The following BTD variants were observed in gnomAD, a reference collection of about 807,000 sequenced individuals.
The protein encoded by BTD is biotinidase.
A neutral mutation model predicts 17.7 loss-of-function variants in BTD; 13 were observed. The observed-to-expected ratio is 0.74, with a 90% confidence interval of 0.48 to 1.17. BTD has a LOEUF of 1.17. BTD is among the 50% of genes most tolerant of loss of function. BTD has a pLI of 0.00. For missense variants in BTD, 674 were observed against 650.4 expected, an observed-to-expected ratio of 1.04 and a Z score of -0.39; for synonymous variants, 240 against 245.2, an observed-to-expected ratio of 0.98 and a Z score of 0.20.
At chr3:15,612,957 T>C (rs1410078797) in intron 1 of BTD, among the ~76,000 whole-genome samples, 2 of 152,226 alleles carry the variant, frequency 1.3e-5, no homozygotes, top group African/African-American at 2.4e-5. Flanking sequence ...GTTGTAGTAT[T>C]CATGGTGGCT....
rs202235946 is a variant in BTD, at chr3:15,692,005, TG to T, written c.400-18053del. ...AAACAAATAAATAAGCTGGACCTGG[TG>T]GCACATGCCTGTGGTCCCAGCTATG... is the stretch of plus-strand genomic sequence containing the variant. On this transcript the variant is annotated intron_variant, in intron 3 of 3. Coordinates refer to the BTD transcript ENST00000672141. Among the ~76,000 whole-genome samples the T allele has an allele frequency of 7.4e-3, 1,122 of 152,158 alleles. 10 individuals are homozygous for T. Among genetic ancestry groups the T allele is most frequent in the African/African-American group, 0.025 (1,024 of 41,504 alleles).
At chr3:15,722,499 C>T (rs1004615680), downstream of BTD, among the ~76,000 whole-genome samples, 4 of 152,126 alleles carry the variant, frequency 2.6e-5, no homozygotes, top group African/African-American at 7.2e-5. Flanking sequence ...TGTAATAAAC[C>T]ACAACCATGA....
chr3:15,697,841 G>C (rs943164138), intron 3 of BTD, among the ~76,000 whole-genome samples: 5 of 152,132 alleles, frequency 3.3e-5, no homozygotes, highest in African/African-American at 1.2e-4. Context: ...GTAGAATTCG[G>C]CTGTGAATCC....
chr3:15,608,661 G>C (rs1052019395), intron 1 of BTD, among the ~76,000 whole-genome samples: 1 of 151,968 alleles, frequency 6.6e-6, no homozygotes, highest in Non-Finnish European at 1.5e-5. Context: ...AGCTACCGGG[G>C]AGGCTGAGGC....
rs746583059 is a variant in BTD at position 15,708,087 on chromosome 3, A to C, written c.400-1973A>C. The stretch of plus-strand genomic sequence containing the variant: ...GATCTTTTGGGTCCAAGTTAATACA[A>C]GAAAGATAAAAGCCAGAGACATAAC... On this transcript the variant is annotated intron_variant, in intron 3 of 3. Transcript: ENST00000672141. 7.6e-6 allele frequency: 12 copies of C among 1,581,794 alleles called. No homozygotes were observed. The East Asian group carries it at 2.7e-4, about 36-fold the overall frequency.
At chr3:15,629,988 A>G in intron 1 of BTD, 1 of 959,340 alleles carries the variant, frequency 1.0e-6, no homozygotes, top group Non-Finnish European at 1.2e-6. Flanking sequence ...TTGATTGTAG[A>G]TCCCTTAATT....
At chr3:15,690,068 T>G (rs769253725) in intron 3 of BTD, 1 of 1,612,338 alleles carries the variant, frequency 6.2e-7, no homozygotes, top group South Asian at 1.1e-5. Flanking sequence ...TTACTAAGAT[T>G]GAGGCTCCCT....
rs1341551055 is a variant in BTD at position 15,694,816 on chromosome 3, G to A, written c.400-15244G>A. The A allele has an allele frequency of 5.0e-6, 8 of 1,612,692 alleles. No homozygotes were observed. The highest frequency in any genetic ancestry group is 1.3e-5 in the African/African-American group (1 of 74,866). On this transcript the variant is annotated intron_variant, in intron 3 of 3. Transcript: ENST00000672141. ...TCTGTTCCTGAGGTTTCCATTAACTGAAAAAGAAGAGGCATTTTAAATGTC... is the reference window on the plus strand; with the variant it reads ...TCTGTTCCTGAGGTTTCCATTAACTAAAAAAGAAGAGGCATTTTAAATGTC...
At chr3:15,630,996 G>T (rs887725567) in intron 1 of BTD, among the ~76,000 whole-genome samples, 16 of 152,174 alleles carry the variant, frequency 1.1e-4, no homozygotes, top group African/African-American at 3.6e-4. Context: ...GGAAATAAAA[G>T]ATCATTTTTG....
chr3:15,706,032 A>C (rs1436810948), intron 3 of BTD, among the ~76,000 whole-genome samples: 1 of 132,386 alleles, frequency 7.6e-6, no homozygotes, highest in African/African-American at 2.9e-5. Flanking sequence ...CAACAAAAAA[A>C]CCCACAAAAA....
rs2455853 is a variant in BTD at position 15,648,518 on chromosome 3, G to A, written c.*3030G>A. Reference sequence around the variant, plus strand: ...CATAAAACAAGCATGGACATTGTTAGTTCACCCAGTTCTGTGGGGCAGGAA... The same window carrying A: ...CATAAAACAAGCATGGACATTGTTAATTCACCCAGTTCTGTGGGGCAGGAA... On this transcript the variant is annotated 3_prime_UTR_variant, in exon 4 of 4. Coordinates refer to ENST00000643237, the MANE Select transcript of BTD (RefSeq NM_001370658.1). Among the ~76,000 whole-genome samples the A allele has an allele frequency of 0.73, 111,506 of 152,104 alleles. 41,023 individuals carry two copies. The highest frequency in any genetic ancestry group is 0.79 in the Admixed American group (12,023 of 15,296).
At chr3:15,718,767 C>G (rs2073367701) in intron 4 of BTD, among the ~76,000 whole-genome samples, 1 of 152,208 alleles carries the variant, frequency 6.6e-6, no homozygotes, top group African/African-American at 2.4e-5. Context: ...TATCCACATT[C>G]ACTATCGTAA....
At chr3:15,637,068 A>G (rs2065368998) in intron 2 of BTD, among the ~76,000 whole-genome samples, 1 of 152,088 alleles carries the variant, frequency 6.6e-6, no homozygotes. Flanking sequence ...GTCAGAGCTA[A>G]AGGGAGCAGG....
exon 4 of BTD, among the ~76,000 whole-genome samples, chr3:15,712,391 C>T (rs1214271677): frequency 6.6e-6 from 1 of 152,114 alleles, no homozygotes; most frequent in East Asian, 1.9e-4. Context: ...ACTTATTAGC[C>T]AGCTATTTTT....
At chr3:15,704,666 A>G (rs916386222) in intron 3 of BTD, among the ~76,000 whole-genome samples, 3 of 152,176 alleles carry the variant, frequency 2.0e-5, no homozygotes, top group Non-Finnish European at 4.4e-5. Context: ...TGGGAATACA[A>G]TTACAATTGG....
chr3:15,617,087 C>A (rs2064816042), intron 1 of BTD, among the ~76,000 whole-genome samples: 1 of 152,214 alleles, frequency 6.6e-6, no homozygotes, highest in South Asian at 2.1e-4. Context: ...CCTGCCTTGG[C>A]CTCCCAAAGT....
chr3:15,690,379 C>A (rs952176275), intron 3 of BTD, among the ~76,000 whole-genome samples: 2 of 152,158 alleles, frequency 1.3e-5, no homozygotes. Flanking sequence ...AACTACAGAT[C>A]TTTCTAATAA....
chr3:15,694,672 C>T (rs2069276907), intron 3 of BTD: 1 of 1,406,934 alleles, frequency 7.1e-7, no homozygotes. Flanking sequence ...TGAGTCAACA[C>T]AAATAGGTTA....
intron 1 of BTD, among the ~76,000 whole-genome samples, chr3:15,607,103 A>G (rs2064481384): frequency 6.6e-6 from 1 of 152,080 alleles, no homozygotes; most frequent in East Asian, 1.9e-4. Flanking sequence ...GTAATTTCTC[A>G]GAGGCCCTCT....
Sources: gnomAD v4.1 joint callset for allele counts (sites outside exome capture counted in the v4.1 genomes callset) on GRCh38, gnomAD v4.1.1 for gene constraint, MANE v1.5 for transcripts, NCBI Gene and HGNC (gene_info 2026-07-23, HGNC 2026-07-21) for gene names.